The following CHERP variants were observed in gnomAD, a reference collection of about 807,000 sequenced individuals.
CHERP encodes the protein ERPROT 213-21.
Under a neutral mutation model 113.8 loss-of-function variants are expected in CHERP, and 8 were observed. The ratio of observed to expected loss-of-function variants is 0.07; its 90% CI spans 0.04 to 0.13. CHERP has a LOEUF of 0.13. Ranked by LOEUF, CHERP falls within the 10% of genes least tolerant of loss-of-function variation. The probability of loss-of-function intolerance (pLI) is 1.00; values close to 1 mark genes in which losing one functional copy is unlikely to be tolerated. For synonymous variants in CHERP, 559 were observed against 524.5 expected (o/e 1.07, Z -0.90); for missense variants, 884 against 1,298.2 (o/e 0.68, Z 4.90).
At chr19:16,537,097 G>A (rs1599754872) in intron 2 of CHERP, among the ~76,000 whole-genome samples, 1 of 151,880 alleles carries the variant, frequency 6.6e-6, no homozygotes, top group African/African-American at 2.4e-5. Flanking sequence ...CTCTCTAAAC[G>A]ATTTCTCAGA....
In CHERP at chr19:16,520,435, G is replaced by A. The variant is rs1168213690; in HGVS notation, c.2274C>T (p.Ser758=). 27 of 1,614,008 alleles carry A rather than the reference G, an allele frequency of 1.7e-5. No individual in the cohort carries two copies. Among genetic ancestry groups the A allele is most frequent in the Non-Finnish European group, 2.3e-5 (27 of 1,180,016 alleles). ...ACCTTGAGTACGAGCCTGAAGACTTGGAGGATCTTGAGTTGGAGCGGGAGG... is the reference window on the plus strand; with the variant it reads ...ACCTTGAGTACGAGCCTGAAGACTTAGAGGATCTTGAGTTGGAGCGGGAGG... ...RSSSRSNSRS[S]KSSGSYSRSR... is the part of the protein sequence containing the mutation. The change falls in exon 14 of 17, where the codon TCC becomes TCT. Residue 758 remains serine (S), a synonymous_variant. Transcript: ENST00000546361. This position sits in a 1 kb window ranked among gnomAD's most constrained non-coding sequence, Gnocchi z 4.0.
At position 16,523,513 on chromosome 19, in the gene CHERP, T is replaced by C. The variant is rs1466821840; in HGVS notation, c.1742-223A>G. 6.6e-6 allele frequency among the ~76,000 whole-genome samples: 1 copy of C among 152,000 alleles called. No individual in the cohort carries two copies. Among genetic ancestry groups the C allele is most frequent in the African/African-American group, 2.4e-5 (1 of 41,380 alleles). ...AGGCACAGCCGAGGGAGCTTGAGGC[T>C]GAGAGAAGAGAACCCCAAAACCCCA... On this transcript the variant is annotated intron_variant, in intron 10 of 16. Coordinates refer to ENST00000546361, the MANE Select transcript of CHERP (RefSeq NM_006387.6). This position sits in a 1 kb window ranked among gnomAD's most constrained non-coding sequence, Gnocchi z 4.0.
At chr19:16,521,685 C>A in intron 11 of CHERP, 31 bp from the exon 12 acceptor site, 1 of 1,532,618 alleles carries the variant, frequency 6.5e-7, no homozygotes, top group Admixed American at 1.9e-5. Context: ...TGTCACCATG[C>A]CTGGGCAGAG....
chr19:16,536,572 T>C (rs1010964808), intron 2 of CHERP, among the ~76,000 whole-genome samples: 2 of 152,092 alleles, frequency 1.3e-5, no homozygotes, highest in African/African-American at 2.4e-5. Context: ...GCCCTCCAGT[T>C]TGTGCACCCA....
intron 9 of CHERP, among the ~76,000 whole-genome samples, chr19:16,527,132 G>A (rs879896952): frequency 3.1e-4 from 47 of 152,190 alleles, no homozygotes; most frequent in African/African-American, 9.6e-4. Context: ...AGTGAGGGGC[G>A]TGCCCATTGT....
intron 9 of CHERP, among the ~76,000 whole-genome samples, chr19:16,527,366 G>A (rs1172606754): frequency 6.6e-6 from 1 of 152,216 alleles, no homozygotes; most frequent in Non-Finnish European, 1.5e-5. Flanking sequence ...AGCTGGGGAT[G>A]GGAGGCTCAA....
chr19:16,533,249 G>A (rs921808728), intron 3 of CHERP, 101 bp from the exon 4 acceptor site: 14 of 1,201,568 alleles, frequency 1.2e-5, no homozygotes, highest in East Asian at 7.7e-5. Flanking sequence ...ACATGGTGGC[G>A]ATGCCCGGAC....
At position 16,530,707 on chromosome 19, in the gene CHERP, T is replaced by TG; in HGVS notation, c.787-34dup. The TG allele has an allele frequency of 1.9e-6, 3 of 1,613,896 alleles. No homozygotes were observed. The highest frequency in any genetic ancestry group is 2.5e-6 in the Non-Finnish European group (3 of 1,179,862). ...TGGGAGGAGAGAGAGGCCGGGTCAG[T>TG]GGGGAGGGGAAAGGCCTGTGTGTCC... On this transcript the variant is annotated intron_variant, in intron 6 of 16. Coordinates refer to ENST00000546361, the MANE Select transcript of CHERP (RefSeq NM_006387.6). This position sits in a 1 kb window ranked among gnomAD's most constrained non-coding sequence, Gnocchi z 4.1.
rs372924628 is a variant in CHERP at position 16,533,153 on chromosome 19, G to A, written c.385-5C>T. ...CACGGCCGCTGTCACTTGCTCCTGC[G>A]GGCGGGGGTCGGTGGGGTCGAGAAC... On this transcript the variant is annotated splice_region_variant and splice_polypyrimidine_tract_variant and intron_variant, in intron 3 of 16. Transcript: ENST00000546361. 54 of 1,580,944 alleles carry A rather than the reference G, an allele frequency of 3.4e-5. No homozygotes were observed. The highest frequency in any genetic ancestry group is 3.5e-5 in the Non-Finnish European group (41 of 1,164,094).
intron 3 of CHERP, 108 bp from the exon 4 acceptor site, chr19:16,533,256 G>A (rs987276910): frequency 9.9e-6 from 11 of 1,114,744 alleles, no homozygotes; most frequent in Admixed American, 4.5e-5. Flanking sequence ...GGCGATGCCC[G>A]GACTCTGGGC....
At chr19:16,533,845 C>A (rs1227624434) in intron 3 of CHERP, among the ~76,000 whole-genome samples, 1 of 152,032 alleles carries the variant, frequency 6.6e-6, no homozygotes, top group Non-Finnish European at 1.5e-5. Context: ...GTGTGAACGA[C>A]AGGCAATAGA....
In CHERP at chr19:16,520,140, G is replaced by A; in HGVS notation, c.2462+9C>T. On this transcript the variant is annotated intron_variant, in intron 15 of 16. Transcript: ENST00000546361. This position sits in a 1 kb window ranked among gnomAD's most constrained non-coding sequence, Gnocchi z 4.0. ...AGTTACCAGCGCAGCACTTAAGACA[G>A]GATCTTACGGCGGGGTGGGGCTCCT... 6.2e-7 allele frequency: 1 copy of A among 1,611,862 alleles called. No individual in the cohort carries two copies. Among genetic ancestry groups the A allele is most frequent in the South Asian group, 1.1e-5 (1 of 91,004 alleles).
At chr19:16,536,187 C>G (rs1046572159) in intron 2 of CHERP, among the ~76,000 whole-genome samples, 1 of 152,230 alleles carries the variant, frequency 6.6e-6, no homozygotes, top group Non-Finnish European at 1.5e-5. Flanking sequence ...ACTGACTCTC[C>G]TTGCTTCTCC....
chr19:16,540,287 G>A (rs1160066450), intron 2 of CHERP, among the ~76,000 whole-genome samples: 5 of 151,472 alleles, frequency 3.3e-5, no homozygotes, highest in Admixed American at 6.6e-5. Flanking sequence ...GGCTGGTCTC[G>A]AACTCCTGAC....
intron 2 of CHERP, among the ~76,000 whole-genome samples, chr19:16,540,259 G>T (rs1286593554): frequency 2.0e-5 from 3 of 151,568 alleles, no homozygotes; most frequent in African/African-American, 7.3e-5. Context: ...TAGAGATGGG[G>T]TTTCACCATG....
At chr19:16,537,562 G>A (rs543849571) in intron 2 of CHERP, among the ~76,000 whole-genome samples, 44 of 151,466 alleles carry the variant, frequency 2.9e-4, no homozygotes, top group Admixed American at 3.9e-4. Context: ...TGTGCTCCCC[G>A]CACCATGGTT....
Position 16,529,752 on chromosome 19 carries a change from AGCTGCTGCT to A in CHERP, c.1016_1024del (p.Gln339_Gln341del). ...TTCAGCCTCCATCTGCGGCATCTGGAGCTGCTGCTGCTGCTGTTGCTGCTGCTGCTGCTG... is the reference window on the plus strand; with the variant it reads ...TTCAGCCTCCATCTGCGGCATCTGGAGCTGCTGTTGCTGCTGCTGCTGCTG... On this transcript the variant is annotated inframe_deletion, in exon 8 of 17. Transcript: ENST00000546361. 1 of 1,611,706 alleles carries A rather than the reference AGCTGCTGCT, an allele frequency of 6.2e-7. No homozygotes were observed. The highest frequency in any genetic ancestry group is 8.5e-7 in the Non-Finnish European group (1 of 1,179,596).
intron 1 of CHERP, 47 bp downstream of exon 1, chr19:16,542,307 A>G: frequency 7.2e-7 from 1 of 1,397,552 alleles, no homozygotes; most frequent in Non-Finnish European, 9.4e-7. Flanking sequence ...GGCCAATAGG[A>G]GGTTCCGGGG....
intron 2 of CHERP, chr19:16,539,614 A>G (rs191986030): frequency 6.6e-6 from 1 of 152,252 alleles, no homozygotes; most frequent in Admixed American, 6.5e-5. Context: ...ATTGAGTGAA[A>G]AAACCCAAAC....
Sources: gnomAD v4.1 joint callset for allele counts (sites outside exome capture counted in the v4.1 genomes callset) on GRCh38, gnomAD v4.1.1 for gene constraint, Gnocchi (gnomAD v3.1) non-coding constraint, MANE v1.5 for transcripts, NCBI Gene and HGNC (gene_info 2026-07-23, HGNC 2026-07-21) for gene names.